Variants in RNF6 observed in about 807,000 individuals in gnomAD.
The protein encoded by RNF6 is ring finger protein 6.
Under a neutral mutation model 50.1 loss-of-function variants are expected in RNF6, and 21 were observed. The observed-to-expected ratio is 0.42, with a 90% CI of 0.30 to 0.60. The LOEUF (loss-of-function observed/expected upper bound fraction) is 0.60, where lower values mean the gene tolerates loss of function less well. RNF6 is among the 20% of genes least tolerant of loss of function. The pLI, the probability that RNF6 is intolerant of heterozygous loss-of-function variation, is 0.20. For synonymous variants in RNF6, 255 were observed against 291.8 expected (o/e 0.87, Z 1.29); for missense variants, 698 against 838.2 (o/e 0.83, Z 2.07).
chr13:26,219,075 T>C (rs948564573), intron 3 of RNF6, among the ~76,000 whole-genome samples: 1 of 152,266 alleles, frequency 6.6e-6, no homozygotes, highest in African/African-American at 2.4e-5. Flanking sequence ...CATTGGGCTT[T>C]GGGGGGAGCT....
intron 5 of RNF6, among the ~76,000 whole-genome samples, chr13:26,136,630 T>C (rs1870658536): frequency 6.6e-6 from 1 of 152,216 alleles, no homozygotes; most frequent in East Asian, 1.9e-4. Flanking sequence ...AACTCTGACT[T>C]CTGTCTTTTG....
chr13:26,161,697 C>G (rs993628385), intron 5 of RNF6, among the ~76,000 whole-genome samples: 1 of 152,174 alleles, frequency 6.6e-6, no homozygotes, highest in Non-Finnish European at 1.5e-5. Context: ...GGTTCTAACA[C>G]TTTTTATGTT....
intron 5 of RNF6, chr13:26,135,454 A>G (rs1268271825): frequency 6.6e-6 from 1 of 152,206 alleles, no homozygotes; most frequent in Non-Finnish European, 1.5e-5. Context: ...GTGAAAACAC[A>G]GCTGGCATTT....
At chr13:26,142,559 A>G (rs1871015043) in intron 5 of RNF6, among the ~76,000 whole-genome samples, 2 of 152,238 alleles carry the variant, frequency 1.3e-5, no homozygotes, top group Non-Finnish European at 2.9e-5. Flanking sequence ...GAATGAAATC[A>G]TGTCCTTTGC....
At chr13:26,159,555 G>A (rs1303760199) in intron 5 of RNF6, among the ~76,000 whole-genome samples, 2 of 152,088 alleles carry the variant, frequency 1.3e-5, no homozygotes, top group African/African-American at 4.8e-5. Context: ...AACCCAGGAG[G>A]CGGAGCTTGC....
At chr13:26,211,878 G>C (rs1355418400), downstream of RNF6, among the ~76,000 whole-genome samples, 1 of 152,144 alleles carries the variant, frequency 6.6e-6, no homozygotes, top group East Asian at 1.9e-4. Flanking sequence ...GTTTAAATTG[G>C]CATACCTTGT....
intron 5 of RNF6, among the ~76,000 whole-genome samples, chr13:26,156,881 A>T (rs1258002658): frequency 6.6e-6 from 1 of 152,208 alleles, no homozygotes; most frequent in African/African-American, 2.4e-5. Context: ...ATGGGAGTTT[A>T]TATAACATGG....
At chr13:26,132,706 A>T (rs974363269) in intron 5 of RNF6, among the ~76,000 whole-genome samples, 5 of 152,208 alleles carry the variant, frequency 3.3e-5, no homozygotes, top group Non-Finnish European at 7.3e-5. Flanking sequence ...CCTGTACTGA[A>T]AGTATTGTTT....
chr13:26,191,563 G>A (rs1868459577), intron 5 of RNF6, among the ~76,000 whole-genome samples: 1 of 152,108 alleles, frequency 6.6e-6, no homozygotes, highest in South Asian at 2.1e-4. Context: ...TCATGATAGT[G>A]AATGAGTTCT....
rs763015100 is a variant in RNF6 at position 26,214,886 on chromosome 13, T to C, written c.996A>G (p.Pro332=). ...CAGATCTTCTAGTGGTTTGCTGTAC[T>C]GGTCTACTTTCCCTTTGGGAATTAT... ...VYHNSQRESR[P]VQQTTRRSVR... Residue 332 remains proline, a synonymous_variant, in exon 5 of 5, where the codon CCA becomes CCG. Coordinates refer to ENST00000381588, the MANE Select transcript of RNF6 (RefSeq NM_005977.4). 3.7e-6 allele frequency: 6 copies of C among 1,614,268 alleles called. No individual in the cohort carries two copies. Among genetic ancestry groups the C allele is most frequent in the Non-Finnish European group, 5.1e-6 (6 of 1,180,042 alleles).
At chr13:26,167,227 T>C (rs1872494804) in intron 5 of RNF6, among the ~76,000 whole-genome samples, 1 of 152,230 alleles carries the variant, frequency 6.6e-6, no homozygotes, top group Non-Finnish European at 1.5e-5. Flanking sequence ...ACTTGAGAGT[T>C]TCTGCACAGC....
chr13:26,209,786 GAT>G (rs35139305), downstream of RNF6, among the ~76,000 whole-genome samples: 1 of 140,588 alleles, frequency 7.1e-6, no homozygotes, highest in Non-Finnish European at 1.6e-5. Context: ...GAAGATGTGA[GAT>G]ATATATATAT....
At chr13:26,180,606 C>T (rs1453684445) in intron 5 of RNF6, among the ~76,000 whole-genome samples, 1 of 152,178 alleles carries the variant, frequency 6.6e-6, no homozygotes, top group Admixed American at 6.5e-5. Context: ...ATCTGTGGAC[C>T]TTGCCATACC....
At chr13:26,153,448 G>A (rs1382944356) in intron 5 of RNF6, among the ~76,000 whole-genome samples, 1 of 152,144 alleles carries the variant, frequency 6.6e-6, no homozygotes, top group African/African-American at 2.4e-5. Flanking sequence ...TCTTGACCCC[G>A]TGATCCACCC....
chr13:26,145,847 C>T (rs567068389), intron 5 of RNF6, among the ~76,000 whole-genome samples: 25 of 152,200 alleles, frequency 1.6e-4, no homozygotes, highest in Non-Finnish European at 2.8e-4. Context: ...TGGCCTTTCC[C>T]ACCACAATGG....
At chr13:26,165,853 A>T (rs1593160391) in intron 5 of RNF6, among the ~76,000 whole-genome samples, 1 of 152,118 alleles carries the variant, frequency 6.6e-6, no homozygotes, top group Non-Finnish European at 1.5e-5. Context: ...GGCAGGAGGG[A>T]CTTGCCTTGT....
Position 26,214,297 on chromosome 13 carries a change from T to A in RNF6, c.1585A>T (p.Arg529Trp). ...GAGGAACCTTCCCTGTGCTGGCTCC[T>A]GTTGTTATCTGTACCTAAGTTACTC... ...ELSNLGTDNN[R>W]SQHREGSSQD... Residue 529 changes from arginine (R) to tryptophan (W), a missense_variant, in exon 5 of 5, where the codon AGG becomes TGG. Arg to Trp is a moderately radical substitution (Grantham distance 101). Transcript: ENST00000381588. The A allele has an allele frequency of 6.2e-7, 1 of 1,614,128 alleles. No homozygotes were observed. Among genetic ancestry groups the A allele is most frequent in the Non-Finnish European group, 8.5e-7 (1 of 1,179,988 alleles).
intron 5 of RNF6, among the ~76,000 whole-genome samples, chr13:26,206,979 A>T (rs1011294413): frequency 1.1e-4 from 16 of 152,118 alleles, no homozygotes; most frequent in Non-Finnish European, 1.9e-4. Context: ...TCCAGGTTGG[A>T]TTATATTCTC....
chr13:26,213,924 T>C lies in RNF6; in HGVS notation c.1958A>G (p.Glu653Gly). Residue 653 changes from glutamate (E) to glycine (G), a missense_variant, in exon 5 of 5, where the codon GAA becomes GGA. By Grantham distance (98) the Glu-to-Gly change is moderately conservative (BLOSUM62 -2). Transcript: ENST00000381588. ...NKLRQLPCMHEFHIHCIDRWL... is the reference protein window; with the variant it reads ...NKLRQLPCMHGFHIHCIDRWL... ...TCGGTCAATACAATGAATGTGAAAT[T>C]CATGCATGCAAGGTAATTGCCTGAG... 6.2e-7 allele frequency: 1 copy of C among 1,614,180 alleles called. No homozygotes were observed. Among genetic ancestry groups the C allele is most frequent in the Non-Finnish European group, 8.5e-7 (1 of 1,180,026 alleles).
Sources: allele counts gnomAD v4.1 joint callset (sites outside exome capture counted in the v4.1 genomes callset), GRCh38; gene constraint gnomAD v4.1.1; transcripts MANE v1.5; gene names NCBI Gene and HGNC (gene_info 2026-07-23, HGNC 2026-07-21).